SCAF8: variants seen among roughly 807,000 people sequenced by gnomAD.
SCAF8 encodes the protein SR-related CTD associated factor 8.
In SCAF8, 23 loss-of-function variants were observed where a neutral mutation model predicts 140.5. The observed-to-expected ratio is 0.16, with a 90% confidence interval of 0.12 to 0.23. SCAF8 has a LOEUF of 0.23. SCAF8 is among the 10% of genes least tolerant of loss of function. The pLI is 1.00. For synonymous variants in SCAF8, 575 were observed against 528.9 expected, an observed-to-expected ratio of 1.09 and a Z score of -1.20; for missense variants, 1,397 against 1,555.7, an observed-to-expected ratio of 0.90 and a Z score of 1.72.
At chr6:154,772,409 G>T (rs1413800451) in intron 1 of SCAF8, among the ~76,000 whole-genome samples, 2 of 152,126 alleles carry the variant, frequency 1.3e-5, no homozygotes, top group African/African-American at 4.8e-5. Flanking sequence ...TTGGAGGTAG[G>T]CCGGGCACTG....
intron 6 of SCAF8, among the ~76,000 whole-genome samples, chr6:154,799,049 C>T (rs903923510): frequency 6.6e-6 from 1 of 150,644 alleles, no homozygotes; most frequent in African/African-American, 2.4e-5. Flanking sequence ...ATGGCGCTGT[C>T]TCGGCTCACT....
At chr6:154,783,478 C>T (rs1216863796) in intron 3 of SCAF8, among the ~76,000 whole-genome samples, 1 of 152,096 alleles carries the variant, frequency 6.6e-6, no homozygotes, top group African/African-American at 2.4e-5. Context: ...GCTATGATTA[C>T]CTTCTTCAAA....
intron 17 of SCAF8, among the ~76,000 whole-genome samples, chr6:154,826,746 C>A (rs1778576667): frequency 6.6e-6 from 1 of 151,956 alleles, no homozygotes; most frequent in Admixed American, 6.6e-5. Context: ...CATTAAAAAG[C>A]CAATATTAAA....
At position 154,733,535 on chromosome 6, in the gene SCAF8, G is replaced by A. The variant is rs777534648; in HGVS notation, c.-366G>A. The A allele has an allele frequency of 1.6e-4, 204 of 1,304,098 alleles. No individual in the cohort carries two copies. Among genetic ancestry groups the A allele is most frequent in the Non-Finnish European group, 1.9e-4 (191 of 1,026,720 alleles). The allele number at this position is 1,304,098 out of a possible 1,614,324, so 80.8% of individuals were successfully genotyped here. A position where few individuals can be genotyped will look rare whatever the true frequency, so the allele number is the denominator to read the frequency against. On this transcript the variant is annotated 5_prime_UTR_variant, in exon 1 of 20. Transcript: ENST00000367178. Reference sequence around the variant, plus strand: ...CAGGAGCCCGTCGGAGGAAGGGGCAGAAGGGAGTGGAGAGTGTAGGGGAAG... The same window carrying A: ...CAGGAGCCCGTCGGAGGAAGGGGCAAAAGGGAGTGGAGAGTGTAGGGGAAG...
At chr6:154,737,964 C>T (rs1285199022) in intron 1 of SCAF8, among the ~76,000 whole-genome samples, 1 of 151,984 alleles carries the variant, frequency 6.6e-6, no homozygotes, top group Non-Finnish European at 1.5e-5. Context: ...ATTTTGTCAC[C>T]CCCATCTTTT....
intron 3 of SCAF8, among the ~76,000 whole-genome samples, 178 bp from the exon 4 acceptor site, chr6:154,787,683 T>G (rs1461042747): frequency 6.6e-6 from 1 of 152,248 alleles, no homozygotes; most frequent in Non-Finnish European, 1.5e-5. Flanking sequence ...GTAGCCAAAG[T>G]AGATTCTTTA....
In SCAF8 at chr6:154,810,045, G is replaced by A. The variant is rs375322432; in HGVS notation, c.1257G>A (p.Arg419=). The A allele has an allele frequency of 3.7e-6, 6 of 1,610,562 alleles. 1 individual carries two copies. Among genetic ancestry groups the A allele is most frequent in the South Asian group, 2.2e-5 (2 of 90,064 alleles). Residue 419 remains arginine (R), a synonymous_variant, in exon 12 of 20, where the codon CGG becomes CGA. Transcript: ENST00000367178. ...RSPRKRRSRS[R]SGSRKRKHRK... is the part of the protein sequence containing the mutation. ...CAAGAAAACGAAGGTCTAGGTCACGGTCTGGCTCTAGAAAGCGTAAACACA... is the reference window on the plus strand; with the variant it reads ...CAAGAAAACGAAGGTCTAGGTCACGATCTGGCTCTAGAAAGCGTAAACACA...
chr6:154,755,884 A>G (rs764017270), intron 1 of SCAF8, among the ~76,000 whole-genome samples: 1 of 152,232 alleles, frequency 6.6e-6, no homozygotes, highest in Non-Finnish European at 1.5e-5. Flanking sequence ...CCATTGGGAA[A>G]TAGCCACCTC....
At chr6:154,807,624 C>G (rs559683900) in intron 9 of SCAF8, among the ~76,000 whole-genome samples, 80 of 152,328 alleles carry the variant, frequency 5.3e-4, no homozygotes, top group African/African-American at 1.9e-3. Context: ...CGTGATCCAC[C>G]CGCCTCAGCC....
intron 12 of SCAF8, among the ~76,000 whole-genome samples, chr6:154,813,668 G>GT (rs142457902): frequency 0.017 from 2,557 of 152,232 alleles, 26 homozygotes; most frequent in Non-Finnish European, 0.023. Flanking sequence ...TACATTGTAT[G>GT]GCAAAAGGGA....
intron 1 of SCAF8, among the ~76,000 whole-genome samples, chr6:154,759,318 TA>T (rs1779042334): frequency 6.6e-6 from 1 of 152,216 alleles, no homozygotes; most frequent in Admixed American, 6.5e-5. Flanking sequence ...TGTGTTGAAT[TA>T]AAGGACTTAT....
intron 4 of SCAF8, among the ~76,000 whole-genome samples, chr6:154,791,989 A>G (rs552760585): frequency 9.2e-5 from 14 of 152,050 alleles, no homozygotes; most frequent in Non-Finnish European, 1.8e-4. Context: ...GCCAGTGGCA[A>G]GCAGGTTTTT....
intron 1 of SCAF8, among the ~76,000 whole-genome samples, chr6:154,756,519 A>G (rs1778970324): frequency 6.6e-6 from 1 of 152,196 alleles, no homozygotes; most frequent in South Asian, 2.1e-4. Context: ...CCTGTTTACC[A>G]TTTAGCTTTG....
intron 12 of SCAF8, among the ~76,000 whole-genome samples, chr6:154,815,153 C>T (rs192534717): frequency 1.2e-3 from 184 of 152,098 alleles, no homozygotes; most frequent in African/African-American, 3.7e-3. Flanking sequence ...AAAAATTAGC[C>T]GGGTGTGGTG....
Position 154,815,835 on chromosome 6 carries a change from TA to T in SCAF8, c.1521+21del. 6.7e-7 allele frequency: 1 copy of T among 1,496,006 alleles called. No individual in the cohort carries two copies. The allele number at this position is 1,496,006 out of a possible 1,614,324, so 92.7% of individuals were successfully genotyped here. On this transcript the variant is annotated intron_variant, in intron 13 of 19. Coordinates refer to ENST00000367178, the MANE Select transcript of SCAF8 (RefSeq NM_014892.5). ...CATTAATGCAAGTATCAGTTCTTAA[TA>T]ATTTAAGGTTTTAAAAAAGGAGGTT...
At chr6:154,736,708 A>G (rs764523344) in intron 1 of SCAF8, among the ~76,000 whole-genome samples, 14 of 152,220 alleles carry the variant, frequency 9.2e-5, no homozygotes, top group Admixed American at 4.6e-4. Flanking sequence ...AAGGGGGCCT[A>G]ACATTTACAT....
intron 1 of SCAF8, among the ~76,000 whole-genome samples, chr6:154,744,622 G>C (rs535781286): frequency 6.6e-6 from 1 of 152,132 alleles, no homozygotes; most frequent in Non-Finnish European, 1.5e-5. Context: ...GGGATTAGAA[G>C]GACCTAGTTC....
At chr6:154,783,140 T>C (rs1777133128) in intron 3 of SCAF8, among the ~76,000 whole-genome samples, 2 of 152,312 alleles carry the variant, frequency 1.3e-5, no homozygotes, top group South Asian at 4.1e-4. Flanking sequence ...CTGTTCTCAT[T>C]TGCTGGTTTG....
chr6:154,777,652 A>G (rs1221907164), intron 2 of SCAF8, among the ~76,000 whole-genome samples: 3 of 152,230 alleles, frequency 2.0e-5, no homozygotes, highest in Admixed American at 6.5e-5. Context: ...CCTTTCATGA[A>G]TATAAGAATA....
Sources: allele counts gnomAD v4.1 joint callset (sites outside exome capture counted in the v4.1 genomes callset), GRCh38; gene constraint gnomAD v4.1.1; transcripts MANE v1.5; gene names NCBI Gene and HGNC (gene_info 2026-07-23, HGNC 2026-07-21).